The following MARCHF1 variants were observed in gnomAD, a reference collection of about 807,000 sequenced individuals.
MARCHF1 encodes E3 ubiquitin-protein ligase MARCHF1.
Under a neutral mutation model 54.2 loss-of-function variants are expected in MARCHF1, and 40 were observed. The observed-to-expected ratio is 0.74, with a 90% CI of 0.57 to 0.96. MARCHF1 has a LOEUF of 0.96. Among genes scored for constraint, MARCHF1 ranks in the 40% least tolerant of loss-of-function variants. The probability of loss-of-function intolerance (pLI) is 0.00; values close to 1 mark genes in which losing one functional copy is unlikely to be tolerated. For missense variants in MARCHF1, 586 were observed against 656.5 expected (o/e 0.89, Z 1.17); for synonymous variants, 236 against 236.3 (o/e 1.00, Z 0.01).
Position 163,767,046 on chromosome 4 carries a change from A to C in MARCHF1, c.112-66183T>G, listed in dbSNP as rs375497391. ...CATTATCTCATTTAATTCCCATAAA[A>C]ATCTTCAGTGTACATGCTGCTGTCT... On this transcript the variant is annotated intron_variant, in intron 4 of 9. Transcript: ENST00000514618. 2.6e-5 allele frequency among the ~76,000 whole-genome samples: 4 copies of C among 151,498 alleles called. No individual in the cohort carries two copies. In the South Asian group the frequency reaches 8.3e-4, roughly 32 times the overall value.
chr4:163,728,233 C>T (rs1745721451), intron 4 of MARCHF1, among the ~76,000 whole-genome samples: 1 of 152,064 alleles, frequency 6.6e-6, no homozygotes, highest in Non-Finnish European at 1.5e-5. Flanking sequence ...TTATTACTGT[C>T]TTGATTGCTG....
At chr4:164,077,629 C>G (rs1452440382) in intron 2 of MARCHF1, among the ~76,000 whole-genome samples, 2 of 152,102 alleles carry the variant, frequency 1.3e-5, no homozygotes, top group Non-Finnish European at 2.9e-5. Context: ...GCAATCTATT[C>G]ATCTGACAAA....
intron 1 of MARCHF1, among the ~76,000 whole-genome samples, chr4:164,282,625 G>A (rs1405367795): frequency 6.6e-6 from 1 of 151,022 alleles, no homozygotes; most frequent in Admixed American, 6.7e-5. Flanking sequence ...TACTCAATTG[G>A]TCTTTTGGCC....
chr4:163,928,915 C>T (rs1579399180), intron 3 of MARCHF1, among the ~76,000 whole-genome samples: 1 of 151,528 alleles, frequency 6.6e-6, no homozygotes, highest in Non-Finnish European at 1.5e-5. Context: ...AGTAATTGTC[C>T]TCAAGATACC....
At chr4:163,997,376 G>C (rs1185099289) in intron 2 of MARCHF1, among the ~76,000 whole-genome samples, 1 of 151,928 alleles carries the variant, frequency 6.6e-6, no homozygotes, top group African/African-American at 2.4e-5. Context: ...CTTGAACATA[G>C]TCCAACAGTT....
intron 1 of MARCHF1, among the ~76,000 whole-genome samples, chr4:164,142,766 TCTC>T (rs1193346782): frequency 2.0e-5 from 3 of 152,020 alleles, no homozygotes; most frequent in African/African-American, 7.3e-5. Context: ...GGAGAGCAAC[TCTC>T]CTCCTCCAAA....
intron 2 of MARCHF1, among the ~76,000 whole-genome samples, chr4:164,063,719 T>C (rs1754668779): frequency 2.0e-5 from 3 of 152,248 alleles, no homozygotes; most frequent in South Asian, 2.1e-4. Flanking sequence ...AATATTATTC[T>C]TGAAGTTTCA....
intron 9 of MARCHF1, among the ~76,000 whole-genome samples, chr4:163,534,838 G>A (rs1322366035): frequency 7.2e-5 from 11 of 151,868 alleles, no homozygotes; most frequent in Non-Finnish European, 1.0e-4. Context: ...CAACGAACAC[G>A]TGTTCGATAA....
intron 1 of MARCHF1, among the ~76,000 whole-genome samples, chr4:164,248,314 T>G (rs950090516): frequency 2.6e-5 from 4 of 152,056 alleles, no homozygotes; most frequent in Admixed American, 6.6e-5. Flanking sequence ...AATTAAAAAA[T>G]CAAAATATAT....
At chr4:164,335,213 C>G (rs1028122377) in intron 1 of MARCHF1, among the ~76,000 whole-genome samples, 1 of 152,212 alleles carries the variant, frequency 6.6e-6, no homozygotes, top group Middle Eastern at 3.4e-3. Flanking sequence ...TAAAAGCTAT[C>G]AAAAAGCAAC....
chr4:164,063,575 G>T lies in MARCHF1; in HGVS notation c.-248+48013C>A, dbSNP rs151101839. Among the ~76,000 whole-genome samples, 919 of 152,284 alleles carry T rather than the reference G, an allele frequency of 6.0e-3. 9 individuals are homozygous for T. Among genetic ancestry groups the T allele is most frequent in the African/African-American group, 0.021 (875 of 41,552 alleles). On this transcript the variant is annotated intron_variant, in intron 2 of 9. Transcript: ENST00000514618. ...TTGTAAGTAAATTTAGTCTCAAGTAGCTCTATTTGTCATCTGCAAACATTA... is the reference window on the plus strand; with the variant it reads ...TTGTAAGTAAATTTAGTCTCAAGTATCTCTATTTGTCATCTGCAAACATTA...
intron 4 of MARCHF1, among the ~76,000 whole-genome samples, chr4:163,795,496 C>T (rs1747889786): frequency 6.6e-6 from 1 of 152,248 alleles, no homozygotes; most frequent in African/African-American, 2.4e-5. Context: ...TCCCAATGTG[C>T]TGGGATTACA....
intron 3 of MARCHF1, among the ~76,000 whole-genome samples, chr4:163,903,713 T>G (rs1750992174): frequency 6.6e-6 from 1 of 151,922 alleles, no homozygotes; most frequent in African/African-American, 2.4e-5. Flanking sequence ...CAGGCTCAAG[T>G]GATTTTCCTG....
intron 4 of MARCHF1, among the ~76,000 whole-genome samples, chr4:163,830,370 T>C (rs1419559709): frequency 2.0e-5 from 3 of 151,890 alleles, no homozygotes; most frequent in Non-Finnish European, 4.4e-5. Context: ...TCATAGTACA[T>C]TGATGGTTCA....
At chr4:164,142,874 G>C (rs2110870266) in intron 1 of MARCHF1, among the ~76,000 whole-genome samples, 1 of 152,128 alleles carries the variant, frequency 6.6e-6, no homozygotes, top group Non-Finnish European at 1.5e-5. Context: ...AAATTACTCT[G>C]AGCTACGGGA....
chr4:164,318,951 T>C (rs1735068672), intron 1 of MARCHF1, among the ~76,000 whole-genome samples: 2 of 152,224 alleles, frequency 1.3e-5, no homozygotes, highest in South Asian at 4.1e-4. Context: ...TGTGACTTGA[T>C]AATACTCAAC....
chr4:164,326,792 A>G (rs1007000335), intron 1 of MARCHF1, among the ~76,000 whole-genome samples: 1 of 152,224 alleles, frequency 6.6e-6, no homozygotes, highest in African/African-American at 2.4e-5. Flanking sequence ...AGCTAAAAGT[A>G]TAGATTCTGG....
At chr4:163,875,731 ATTG>A (rs1028040997) in intron 3 of MARCHF1, among the ~76,000 whole-genome samples, 4 of 152,180 alleles carry the variant, frequency 2.6e-5, no homozygotes, top group Non-Finnish European at 5.9e-5. Flanking sequence ...TATTTTGCAA[ATTG>A]TTAAGACTCT....
intron 5 of MARCHF1, among the ~76,000 whole-genome samples, chr4:163,647,393 T>G (rs1215333867): frequency 6.6e-6 from 1 of 152,052 alleles, no homozygotes; most frequent in Non-Finnish European, 1.5e-5. Flanking sequence ...GGACTTGAAC[T>G]ACACTTTAGG....
Sources: allele counts gnomAD v4.1 joint callset (sites outside exome capture counted in the v4.1 genomes callset), GRCh38; gene constraint gnomAD v4.1.1; transcripts MANE v1.5; gene names NCBI Gene and HGNC (gene_info 2026-07-23, HGNC 2026-07-21).